CLOCK: variants seen among roughly 807,000 people sequenced by gnomAD.
CLOCK encodes circadian locomoter output cycles protein kaput.
A neutral mutation model predicts 118.4 loss-of-function variants in CLOCK; 43 were observed. The ratio of observed to expected loss-of-function variants is 0.36; its 90% CI spans 0.28 to 0.47. CLOCK has a LOEUF of 0.47. Ranked by LOEUF, CLOCK falls within the 20% of genes least tolerant of loss-of-function variation. CLOCK has a pLI of 1.00. For synonymous variants in CLOCK, 326 were observed against 339.2 expected (o/e 0.96, Z 0.43); for missense variants, 846 against 999.9 (o/e 0.85, Z 2.08).
At chr4:55,461,693 T>A (rs1725355278) in intron 9 of CLOCK, among the ~76,000 whole-genome samples, 1 of 152,166 alleles carries the variant, frequency 6.6e-6, no homozygotes. Flanking sequence ...GCTCTCAGAC[T>A]CAGGGTCTCT....
chr4:55,447,582 A>AAATGT (rs1334567012), intron 18 of CLOCK, among the ~76,000 whole-genome samples: 1 of 152,180 alleles, frequency 6.6e-6, no homozygotes, highest in Non-Finnish European at 1.5e-5. Context: ...TTGGTGAACA[A>AAATGT]AATGTGAGAC....
chr4:55,517,430 A>G (rs1729584070), intron 1 of CLOCK, among the ~76,000 whole-genome samples: 1 of 152,176 alleles, frequency 6.6e-6, no homozygotes, highest in Non-Finnish European at 1.5e-5. Flanking sequence ...GAATCACTTG[A>G]ACCCGGGAGG....
At chr4:55,512,299 T>G (rs1273710537) in intron 1 of CLOCK, among the ~76,000 whole-genome samples, 1 of 152,164 alleles carries the variant, frequency 6.6e-6, no homozygotes, top group East Asian at 1.9e-4. Flanking sequence ...TGTAGTAGTA[T>G]CTCATTTTAA....
chr4:55,533,451 T>C (rs887026945), intron 1 of CLOCK, among the ~76,000 whole-genome samples: 2 of 152,244 alleles, frequency 1.3e-5, no homozygotes, highest in African/African-American at 4.8e-5. Context: ...ATATTACTAA[T>C]TTATTTTATG....
At position 55,484,405 on chromosome 4, in the gene CLOCK, T is replaced by G. The variant is rs60853762; in HGVS notation, c.-43-1577A>C. Among the ~76,000 whole-genome samples the G allele has an allele frequency of 3.7e-3, 558 of 152,148 alleles. 4 individuals carry two copies. The highest frequency in any genetic ancestry group is 0.013 in the African/African-American group (532 of 41,518). ...GTGACAGAGTCAAAGATAGAAATAATAAAATAAAAAGGACTAACACCAGGA... is the reference window on the plus strand; with the variant it reads ...GTGACAGAGTCAAAGATAGAAATAAGAAAATAAAAAGGACTAACACCAGGA... On this transcript the variant is annotated intron_variant, in intron 3 of 22. Transcript: ENST00000513440.
chr4:55,485,406 TA>T, intron 3 of CLOCK, among the ~76,000 whole-genome samples: 2 of 152,292 alleles, frequency 1.3e-5, no homozygotes, highest in Non-Finnish European at 2.9e-5. Context: ...CCTAAACTTT[TA>T]AAAATGGTGT....
chr4:55,540,505 T>C (rs1731199524), intron 1 of CLOCK: 1 of 152,130 alleles, frequency 6.6e-6, no homozygotes, highest in Non-Finnish European at 1.5e-5. Flanking sequence ...TATTGGTATA[T>C]CCCCCATGTG....
At chr4:55,444,597 T>G in intron 19 of CLOCK, 36 bp downstream of exon 19, 1 of 1,613,452 alleles carries the variant, frequency 6.2e-7, no homozygotes, top group South Asian at 1.1e-5. Flanking sequence ...AAAATGTGAA[T>G]GGGATGCTTT....
chr4:55,512,093 G>T (rs1454157743), intron 1 of CLOCK, among the ~76,000 whole-genome samples: 1 of 151,862 alleles, frequency 6.6e-6, no homozygotes. Context: ...TGTATGGATA[G>T]AAACTGTCAA....
At chr4:55,514,222 A>G (rs773027141) in intron 1 of CLOCK, among the ~76,000 whole-genome samples, 11 of 152,250 alleles carry the variant, frequency 7.2e-5, no homozygotes, top group Non-Finnish European at 1.5e-4. Context: ...GATTCTCACC[A>G]TTACATAAAA....
chr4:55,526,235 T>C (rs1487278935), intron 1 of CLOCK, among the ~76,000 whole-genome samples: 1 of 152,130 alleles, frequency 6.6e-6, no homozygotes, highest in Non-Finnish European at 1.5e-5. Context: ...GGGACCAAAG[T>C]ACTGAAAGCT....
At chr4:55,533,184 C>A (rs1375843731) in intron 1 of CLOCK, among the ~76,000 whole-genome samples, 2 of 152,052 alleles carry the variant, frequency 1.3e-5, no homozygotes, top group African/African-American at 2.4e-5. Context: ...TCTTGAAAAA[C>A]CACCAAAAAT....
At chr4:55,517,047 T>C (rs553220871) in intron 1 of CLOCK, among the ~76,000 whole-genome samples, 48 of 152,346 alleles carry the variant, frequency 3.2e-4, no homozygotes, top group African/African-American at 8.9e-4. Flanking sequence ...TACGTGTATA[T>C]ATAAGCATAC....
At chr4:55,501,422 G>C (rs554615854) in intron 2 of CLOCK, among the ~76,000 whole-genome samples, 1 of 151,776 alleles carries the variant, frequency 6.6e-6, no homozygotes, top group Admixed American at 6.6e-5. Context: ...TAAAATTTCT[G>C]TCTTTTTTTT....
At chr4:55,444,565 A>G in intron 19 of CLOCK, 68 bp downstream of exon 19, 2 of 1,595,828 alleles carry the variant, frequency 1.3e-6, no homozygotes, top group Middle Eastern at 1.7e-4. Context: ...TAATTAAGAA[A>G]AGTTAATTTT....
intron 2 of CLOCK, among the ~76,000 whole-genome samples, chr4:55,497,443 A>G (rs1263193601): frequency 1.3e-5 from 2 of 152,232 alleles, no homozygotes; most frequent in Non-Finnish European, 2.9e-5. Context: ...GAATCAGGAT[A>G]TGAACCTCTC....
intron 7 of CLOCK, among the ~76,000 whole-genome samples, chr4:55,475,068 C>T (rs926895534): frequency 2.6e-5 from 4 of 152,166 alleles, no homozygotes; most frequent in African/African-American, 9.7e-5. Flanking sequence ...AACTGAAAAC[C>T]TTCTGGAAAG....
Position 55,428,588 on chromosome 4 carries a change from G to C in CLOCK, c.*6827C>G, listed in dbSNP as rs1722331449. ...GGTATTCTTATCTCAAGATCAATTAGCCGTTTTTAGCTCCACCGTTTTGGA... is the reference window on the plus strand; with the variant it reads ...GGTATTCTTATCTCAAGATCAATTACCCGTTTTTAGCTCCACCGTTTTGGA... On this transcript the variant is annotated 3_prime_UTR_variant, in exon 23 of 23. Coordinates refer to ENST00000513440, the MANE Select transcript of CLOCK (RefSeq NM_004898.4). 6.6e-6 allele frequency: 1 copy of C among 152,000 alleles called. No homozygotes were observed. Among genetic ancestry groups the C allele is most frequent in the Non-Finnish European group, 1.5e-5 (1 of 67,992 alleles). 9.4% of individuals were successfully genotyped at this position (152,000 alleles called of 1,614,324 possible). A position where few individuals can be genotyped will look rare whatever the true frequency, so the allele number is the denominator to read the frequency against.
Position 55,458,903 on chromosome 4 carries a change from G to C in CLOCK, c.781C>G (p.Gln261Glu). 1 of 1,607,620 alleles carries C rather than the reference G, an allele frequency of 6.2e-7. No individual in the cohort carries two copies. The highest frequency in any genetic ancestry group is 8.5e-7 in the Non-Finnish European group (1 of 1,174,370). The change falls in exon 11 of 23, where the codon CAG (glutamine) becomes GAG (glutamate). Residue 261 changes from glutamine to glutamate, a missense_variant. Physicochemically the swap from Gln to Glu is conservative, Grantham distance 29. Transcript: ENST00000513440. ...FVATVRLATP[Q>E]FIKEMCTVEE... Reference sequence around the variant, plus strand: ...AATTAAAAACATACCTTGATGAACTGAGGTGTAGCTAACCTGACAGTAGCT... The same window carrying C: ...AATTAAAAACATACCTTGATGAACTCAGGTGTAGCTAACCTGACAGTAGCT...
Sources: allele counts gnomAD v4.1 joint callset (sites outside exome capture counted in the v4.1 genomes callset), GRCh38; gene constraint gnomAD v4.1.1; transcripts MANE v1.5; gene names NCBI Gene and HGNC (gene_info 2026-07-23, HGNC 2026-07-21).